The following UBA1 variants were observed in gnomAD, a reference collection of about 807,000 sequenced individuals.
UBA1 encodes the protein ubiquitin like modifier activating enzyme 1.
UBA1 carries 4 observed loss-of-function variants against 84.7 expected under a neutral mutation model. That is an observed-to-expected ratio of 0.05 (90% CI 0.02 to 0.11). The LOEUF is 0.11. Ranked by LOEUF, UBA1 falls within the 10% of genes least tolerant of loss-of-function variation. The pLI, the probability that UBA1 is intolerant of heterozygous loss-of-function variation, is 1.00. For synonymous variants in UBA1, 364 were observed against 362.6 expected (o/e 1.00, Z -0.04); for missense variants, 513 against 902.8 (o/e 0.57, Z 5.53).
chrX:47,209,534 C>A (rs1461183548), intron 16 of UBA1, 89 bp from the exon 17 acceptor site: 13 of 878,421 alleles, frequency 1.5e-5, no homozygotes, highest in African/African-American at 3.9e-5. Flanking sequence ...CTTGTACTTG[C>A]TTTATTCACT....
intron 18 of UBA1, 30 bp from the exon 19 acceptor site, chrX:47,210,812 C>G (rs782273179): frequency 5.2e-5 from 62 of 1,197,254 alleles, no homozygotes; most frequent in Non-Finnish European, 1.0e-5. Flanking sequence ...ACTCTCAGGT[C>G]CTGTTCTCAA....
rs782262051 is a variant in UBA1, at chrX:47,203,809, G to A, written c.1575+113G>A. 6.7e-5 allele frequency: 55 copies of A among 816,685 alleles called. No homozygotes were observed. In the South Asian group the frequency reaches 1.2e-3, roughly 18 times the overall value. The allele number at this position is 816,685 out of a possible 1,213,427, so 67.3% of individuals were successfully genotyped here. On this transcript the variant is annotated intron_variant, in intron 14 of 25. Coordinates refer to ENST00000335972, the MANE Select transcript of UBA1 (RefSeq NM_003334.4). ...GTTGCCCAGGCTGTAGTGCAGTGGC[G>A]TGATCTCTGGCCCACCACAACCTCT...
intron 25 of UBA1, 49 bp from the exon 26 acceptor site, chrX:47,214,745 T>G: frequency 8.3e-7 from 1 of 1,206,895 alleles, no homozygotes; most frequent in Non-Finnish European, 1.1e-6. Flanking sequence ...GCCCATCCTC[T>G]CTTGCTTTCT....
chrX:47,199,461 C>T lies in UBA1; in HGVS notation c.346-19C>T. 1 of 1,211,954 alleles carries T rather than the reference C, an allele frequency of 8.3e-7. No individual in the cohort carries two copies. The highest frequency in any genetic ancestry group is 3.0e-5 in the East Asian group (1 of 33,851). On this transcript the variant is annotated intron_variant, in intron 4 of 25. Transcript: ENST00000335972. ...TGCCACAGCCATTTCATCTTTTTCC[C>T]TACTGCACACCCTTACAGTTCTACC...
chrX:47,203,295 G>A, intron 13 of UBA1, 81 bp downstream of exon 13: 1 of 1,037,145 alleles, frequency 9.6e-7, no homozygotes, highest in Non-Finnish European at 1.4e-6. Context: ...GCATCTCAAT[G>A]CAACCGGTGG....
chrX:47,207,285 C>T (rs1438340100), intron 16 of UBA1, among the ~76,000 whole-genome samples: 3 of 111,445 alleles, frequency 2.7e-5, no homozygotes, highest in Admixed American at 1.9e-4. Flanking sequence ...TTATCTAGCT[C>T]GGGGTGTCCA....
At chrX:47,199,989 G>A (rs1022147778) in intron 5 of UBA1, among the ~76,000 whole-genome samples, 10 of 110,149 alleles carry the variant, frequency 9.1e-5, no homozygotes, top group Non-Finnish European at 1.5e-4. Flanking sequence ...GTTTCACTGT[G>A]TTAGCCAGGG....
intron 20 of UBA1, among the ~76,000 whole-genome samples, chrX:47,211,956 A>C (rs1602656637): frequency 1.6e-4 from 12 of 76,478 alleles, no homozygotes; most frequent in Admixed American, 2.9e-4. Context: ...CTCTGTATAT[A>C]CCCCCACTCT....
chrX:47,209,247 C>T (rs1936816851), intron 16 of UBA1: 4 of 399,001 alleles, frequency 1.0e-5, no homozygotes, highest in East Asian at 4.1e-5. Context: ...CTCCGCCTCC[C>T]GGGTTCAAGA....
intron 1 of UBA1, among the ~76,000 whole-genome samples, chrX:47,195,109 G>GCCTCAGAATCTGC (rs1936154135): frequency 9.0e-6 from 1 of 111,471 alleles, no homozygotes; most frequent in Non-Finnish European, 1.9e-5. Flanking sequence ...CTCACATCAG[G>GCCTCAGAATCTGC]CCTCAGAATC....
intron 16 of UBA1, chrX:47,208,422 C>G (rs781806156): frequency 1.8e-5 from 2 of 112,210 alleles, no homozygotes; most frequent in African/African-American, 3.2e-5. Context: ...CCTCAGCCTC[C>G]AAAAGTGCTG....
At chrX:47,197,668 G>A (rs929275584) in intron 1 of UBA1, 1 of 733,836 alleles carries the variant, frequency 1.4e-6, no homozygotes, top group Non-Finnish European at 1.6e-6. Context: ...CCCTGGGCAA[G>A]TTACTTCTCA....
intron 16 of UBA1, chrX:47,209,027 G>A (rs67766486): frequency 0.43 from 50,084 of 116,260 alleles, 9,827 homozygotes; most frequent in East Asian, 0.62. Flanking sequence ...GGAGGTCAAG[G>A]CTGCTGTGAG....
rs781839047 is a variant in UBA1 at position 47,202,196 on chromosome X, C to T, written c.852C>T (p.Ser284=). 34 of 1,208,582 alleles carry T rather than the reference C, an allele frequency of 2.8e-5. No individual in the cohort carries two copies. The highest frequency in any genetic ancestry group is 3.5e-5 in the South Asian group (2 of 56,504). ...GCATCTGTGACACCTCCAACTTCTC[C>T]GACTACATCCGTGGAGGCATCGTCA... ...TFSICDTSNF[S]DYIRGGIVSQ... is the part of the protein sequence containing the mutation. Residue 284 remains serine (S), a synonymous_variant, in exon 9 of 26, where the codon TCC becomes TCT. Transcript: ENST00000335972.
Position 47,204,185 on chromosome X carries a change from G to A in UBA1, c.1575+489G>A, listed in dbSNP as rs5906355. On this transcript the variant is annotated intron_variant, in intron 14 of 25. Transcript: ENST00000335972. ...TTTTTTTTGCCTTAACCTCTTTTTA[G>A]TGCTGGTTGGGACAGTGTGTCTGGG... 1.8e-4 allele frequency among the ~76,000 whole-genome samples: 8 copies of A among 45,304 alleles called. No individual in the cohort carries two copies. The South Asian group carries it at 0.011, about 64-fold the overall frequency. 39.3% of individuals were successfully genotyped at this position (45,304 alleles called of 115,157 possible).
chrX:47,199,834 G>A (rs1324884354), intron 5 of UBA1, among the ~76,000 whole-genome samples: 1 of 107,047 alleles, frequency 9.3e-6, no homozygotes, highest in African/African-American at 3.4e-5. Context: ...CCAAGCTAGA[G>A]TGCAGTGGCG....
chrX:47,213,806 G>GCA (rs1937030160), intron 23 of UBA1, among the ~76,000 whole-genome samples: 1 of 110,954 alleles, frequency 9.0e-6, no homozygotes, highest in Non-Finnish European at 1.9e-5. Context: ...GGCGGAGGTT[G>GCA]CAGTGAGCCA....
At position 47,199,303 on chromosome X, in the gene UBA1, A is replaced by G; in HGVS notation, c.271A>G (p.Ile91Val). The G allele has an allele frequency of 1.7e-6, 2 of 1,211,898 alleles. No individual in the cohort carries two copies. Among genetic ancestry groups the G allele is most frequent in the South Asian group, 1.8e-5 (1 of 57,016 alleles). The change falls in exon 4 of 26, where the codon ATC becomes GTC. Residue 91 changes from isoleucine to valine, a missense_variant. Ile to Val is a conservative substitution (Grantham distance 29, BLOSUM62 3). Around this residue, in one of 6 missense-constraint regions of UBA1, gnomAD observed 227 missense variants for 339.1 expected, o/e 0.67. Transcript: ENST00000335972. The stretch of plus-strand genomic sequence containing the variant: ...CCTGGGCGTGGAGATCGCTAAGAAC[A>G]TCATCCTTGGTGGGGTCAAGGCTGT... ...RGLGVEIAKN[I>V]ILGGVKAVTL...
chrX:47,200,711 C>T (rs782805476), intron 5 of UBA1, among the ~76,000 whole-genome samples, 183 bp from the exon 6 acceptor site: 2 of 112,168 alleles, frequency 1.8e-5, no homozygotes, highest in East Asian at 2.8e-4. Context: ...CTGGTATAGT[C>T]CAGGGGTTCA....
Sources: gnomAD v4.1 joint callset for allele counts (sites outside exome capture counted in the v4.1 genomes callset) on GRCh38, gnomAD v4.1.1 for gene constraint, gnomAD v4.1.1 regional missense constraint, MANE v1.5 for transcripts, NCBI Gene and HGNC (gene_info 2026-07-23, HGNC 2026-07-21) for gene names.